Variants in GPHN observed in about 807,000 individuals in gnomAD.
The protein encoded by GPHN is gephyrin.
In GPHN, 17 loss-of-function variants were observed where a neutral mutation model predicts 95.5. The ratio of observed to expected loss-of-function variants is 0.18; its 90% CI spans 0.12 to 0.27. The LOEUF (loss-of-function observed/expected upper bound fraction) is 0.27. GPHN is among the 10% of genes least tolerant of loss of function. GPHN has a pLI of 1.00. For missense variants in GPHN, 660 were observed against 978.1 expected (o/e 0.67, Z 4.34); for synonymous variants, 320 against 322.5 (o/e 0.99, Z 0.08).
intron 3 of GPHN, among the ~76,000 whole-genome samples, chr14:66,805,051 A>G (rs1481424488): frequency 6.6e-6 from 1 of 152,352 alleles, no homozygotes; most frequent in African/African-American, 2.4e-5. Flanking sequence ...TGATAAAGAC[A>G]TACCTCAGAC....
intron 8 of GPHN, among the ~76,000 whole-genome samples, chr14:66,924,803 C>T (rs888694331): frequency 1.4e-4 from 21 of 151,656 alleles, no homozygotes; most frequent in African/African-American, 4.8e-4. Flanking sequence ...TCTGTGATTC[C>T]TCATCATAAG....
intron 2 of GPHN, among the ~76,000 whole-genome samples, chr14:66,693,463 C>A (rs1395540819): frequency 6.6e-6 from 1 of 152,150 alleles, no homozygotes; most frequent in Admixed American, 6.5e-5. Context: ...TACATATATA[C>A]ATACGGGATT....
At chr14:66,955,332 G>C (rs2153581318) in intron 8 of GPHN, among the ~76,000 whole-genome samples, 1 of 152,222 alleles carries the variant, frequency 6.6e-6, no homozygotes, top group African/African-American at 2.4e-5. Context: ...GGTTTTGGTA[G>C]TGTCTGTGTT....
Position 67,179,626 on chromosome 14 carries a change from A to G in GPHN, c.2128A>G (p.Ile710Val), listed in dbSNP as rs1198304814. The G allele has an allele frequency of 6.2e-7, 1 of 1,609,346 alleles. No individual in the cohort carries two copies. ...LDPRPEYHRC[I>V]LTWHHQEPLP... ...TCCTCGTCCAGAATACCATCGGTGTATACTAACTTGGCATCACCAAGAACC... is the reference window on the plus strand; with the variant it reads ...TCCTCGTCCAGAATACCATCGGTGTGTACTAACTTGGCATCACCAAGAACC... Residue 710 changes from isoleucine (I) to valine (V), a missense_variant, in exon 22 of 23, where the codon ATA becomes GTA. Around this residue, in one of 6 missense-constraint regions of GPHN, gnomAD observed 48 missense variants for 137.4 expected, o/e 0.35. Transcript: ENST00000478722.
At chr14:67,644,329 C>G in the GPHN span, among the ~76,000 whole-genome samples, 1 of 152,152 alleles carries the variant, frequency 6.6e-6, no homozygotes, top group Non-Finnish European at 1.5e-5. Flanking sequence ...TTATCCCTAT[C>G]TCACAGAAAA....
At chr14:67,671,439 T>A in the GPHN span, among the ~76,000 whole-genome samples, 2 of 151,936 alleles carry the variant, frequency 1.3e-5, no homozygotes, top group Admixed American at 1.3e-4. Context: ...GGCATGAGAA[T>A]CACTTGAACC....
chr14:67,539,319 A>G, the GPHN span, among the ~76,000 whole-genome samples: 1 of 152,094 alleles, frequency 6.6e-6, no homozygotes. Flanking sequence ...AGTTGGTCCT[A>G]GTCTTTTGAG....
intron 18 of GPHN, among the ~76,000 whole-genome samples, chr14:67,144,246 A>T (rs1306396905): frequency 0.11 from 7,099 of 65,158 alleles, 1,759 homozygotes; most frequent in African/African-American, 0.47. Context: ...TAAAAAAAAA[A>T]AAAAATATAT....
the GPHN span, chr14:67,352,961 T>A: frequency 1.2e-6 from 2 of 1,613,644 alleles, no homozygotes; most frequent in East Asian, 4.5e-5. Flanking sequence ...AATCGAAGAG[T>A]TAAGGCATCA....
chr14:66,603,194 T>C (rs1241775951), intron 1 of GPHN, among the ~76,000 whole-genome samples: 2 of 151,916 alleles, frequency 1.3e-5, no homozygotes, highest in Non-Finnish European at 2.9e-5. Flanking sequence ...TGAAATCTTT[T>C]AACTTTTAGA....
At chr14:67,163,731 T>G (rs2082098509) in intron 19 of GPHN, among the ~76,000 whole-genome samples, 1 of 152,042 alleles carries the variant, frequency 6.6e-6, no homozygotes, top group South Asian at 2.1e-4. Flanking sequence ...ACAATGTGAG[T>G]GCTTAAAAGG....
At chr14:67,122,503 T>C in intron 17 of GPHN, 126 bp downstream of exon 17, 1 of 782,490 alleles carries the variant, frequency 1.3e-6, no homozygotes, top group Non-Finnish European at 2.1e-6. Context: ...TATCTCATTC[T>C]TCAGAAGCCA....
chr14:67,423,361 C>G, the GPHN span, among the ~76,000 whole-genome samples: 1 of 152,202 alleles, frequency 6.6e-6, no homozygotes, highest in African/African-American at 2.4e-5. Context: ...CACCTCCACC[C>G]TCCACAGCCA....
At chr14:67,169,806 A>G (rs1353544733) in intron 21 of GPHN, among the ~76,000 whole-genome samples, 5 of 152,362 alleles carry the variant, frequency 3.3e-5, no homozygotes, top group South Asian at 4.1e-4. Context: ...GCCAGGCTCA[A>G]TGGCTGGCGC....
the GPHN span, chr14:67,620,150 C>A: frequency 7.9e-7 from 1 of 1,260,140 alleles, no homozygotes; most frequent in Non-Finnish European, 1.1e-6. Context: ...CTGGAGACAG[C>A]GGCGGTAGGG....
At chr14:67,231,558 C>A in the GPHN span, among the ~76,000 whole-genome samples, 3 of 152,192 alleles carry the variant, frequency 2.0e-5, no homozygotes, top group Admixed American at 6.5e-5. Flanking sequence ...TCAGCCTGAG[C>A]CACTGGGTCC....
chr14:67,052,109 A>G (rs1015854098), intron 10 of GPHN, among the ~76,000 whole-genome samples: 2 of 152,140 alleles, frequency 1.3e-5, no homozygotes, highest in African/African-American at 4.8e-5. Flanking sequence ...TCACAAATAT[A>G]TTAACCTTAA....
the GPHN span, chr14:67,270,587 CTTT>C: frequency 1.4e-4 from 20 of 139,646 alleles, no homozygotes; most frequent in East Asian, 4.2e-4. Context: ...TGTCAAAGGA[CTTT>C]TTTTTTTTTT....
intron 5 of GPHN, among the ~76,000 whole-genome samples, chr14:66,911,690 CTTCTA>C (rs756831859): frequency 6.7e-5 from 10 of 149,862 alleles, no homozygotes; most frequent in Non-Finnish European, 1.3e-4. Context: ...TTTTCATATT[CTTCTA>C]TTCTCATGCC....
Sources: gnomAD v4.1 joint callset for allele counts (sites outside exome capture counted in the v4.1 genomes callset) on GRCh38, gnomAD v4.1.1 for gene constraint, gnomAD v4.1.1 regional missense constraint, MANE v1.5 for transcripts, NCBI Gene and HGNC (gene_info 2026-07-23, HGNC 2026-07-21) for gene names.